The following RAB28 variants were observed in gnomAD, a reference collection of about 807,000 sequenced individuals.
The protein encoded by RAB28 is RAB28, member RAS oncogene family.
A neutral mutation model predicts 31.7 loss-of-function variants in RAB28; 24 were observed. The ratio of observed to expected loss-of-function variants is 0.76; its 90% CI spans 0.55 to 1.06. RAB28 has a LOEUF of 1.06. Ranked by LOEUF, RAB28 falls within the 50% of genes least tolerant of loss-of-function variation. The pLI, the probability that RAB28 is intolerant of heterozygous loss-of-function variation, is 0.00. For missense variants in RAB28, 254 were observed against 258.5 expected, an observed-to-expected ratio of 0.98 and a Z score of 0.12; for synonymous variants, 100 against 90.4, an observed-to-expected ratio of 1.11 and a Z score of -0.60.
At chr4:13,395,626 A>T (rs1194975896) in intron 4 of RAB28, among the ~76,000 whole-genome samples, 2 of 151,434 alleles carry the variant, frequency 1.3e-5, no homozygotes, top group Non-Finnish European at 2.9e-5. Flanking sequence ...ACTACTGATA[A>T]CAAGGGAGAG....
chr4:13,375,768 A>AACACACAC (rs377543521), intron 6 of RAB28, among the ~76,000 whole-genome samples: 50 of 148,164 alleles, frequency 3.4e-4, no homozygotes, highest in African/African-American at 1.1e-3. Context: ...ATTGTTTTAA[A>AACACACAC]ACACACACAC....
intron 4 of RAB28, among the ~76,000 whole-genome samples, chr4:13,401,277 A>G (rs573438079): frequency 1.3e-5 from 2 of 152,238 alleles, no homozygotes; most frequent in Admixed American, 1.3e-4. Flanking sequence ...CAGATTATCT[A>G]TTTCTAGAGT....
chr4:13,449,511 G>C (rs1048793845), intron 4 of RAB28, among the ~76,000 whole-genome samples: 1 of 151,762 alleles, frequency 6.6e-6, no homozygotes, highest in African/African-American at 2.4e-5. Context: ...ACAACTTATA[G>C]GGTACATTAA....
At chr4:13,477,742 T>A (rs1427387337) in intron 2 of RAB28, among the ~76,000 whole-genome samples, 1 of 151,366 alleles carries the variant, frequency 6.6e-6, no homozygotes, top group African/African-American at 2.4e-5. Context: ...ATACATGCCC[T>A]AATGTCATTT....
chr4:13,422,681 A>G (rs1243976037), intron 4 of RAB28, among the ~76,000 whole-genome samples: 6 of 150,960 alleles, frequency 4.0e-5, no homozygotes. Context: ...GTGCTCACTC[A>G]TCGGTGGGAA....
intron 3 of RAB28, among the ~76,000 whole-genome samples, chr4:13,463,390 C>A (rs1034346106): frequency 6.6e-6 from 1 of 152,068 alleles, no homozygotes. Flanking sequence ...TAAACTATGG[C>A]CCATGGGTCA....
intron 3 of RAB28, among the ~76,000 whole-genome samples, chr4:13,470,338 T>C (rs998331084): frequency 6.6e-6 from 1 of 152,044 alleles, no homozygotes; most frequent in Non-Finnish European, 1.5e-5. Flanking sequence ...CAGTTATAAG[T>C]TGGCAAATAT....
intron 4 of RAB28, among the ~76,000 whole-genome samples, chr4:13,448,480 T>C (rs772341169): frequency 1.1e-4 from 17 of 152,172 alleles, no homozygotes; most frequent in Non-Finnish European, 2.1e-4. Context: ...AACCATAATA[T>C]TGCTTAGACA....
At chr4:13,482,765 CA>C (rs1716670332) in intron 1 of RAB28, among the ~76,000 whole-genome samples, 1 of 152,022 alleles carries the variant, frequency 6.6e-6, no homozygotes, top group East Asian at 1.9e-4. Context: ...ACAAAGGATC[CA>C]AGAAGACAAG....
chr4:13,385,662 A>G (rs1411379636), intron 4 of RAB28, among the ~76,000 whole-genome samples: 1 of 152,214 alleles, frequency 6.6e-6, no homozygotes, highest in Non-Finnish European at 1.5e-5. Flanking sequence ...CCTGGCTTAC[A>G]AGAGCTCCTA....
intron 4 of RAB28, among the ~76,000 whole-genome samples, chr4:13,405,342 A>G (rs1223624274): frequency 2.0e-5 from 3 of 152,218 alleles, no homozygotes; most frequent in Non-Finnish European, 4.4e-5. Flanking sequence ...AGCTGAAACA[A>G]TAAACATACG....
chr4:13,380,278 A>G (rs1245330500), intron 5 of RAB28, among the ~76,000 whole-genome samples: 1 of 152,162 alleles, frequency 6.6e-6, no homozygotes, highest in African/African-American at 2.4e-5. Context: ...GTAAAACTAT[A>G]AAGGATATTA....
intron 4 of RAB28, among the ~76,000 whole-genome samples, chr4:13,459,419 G>T (rs1367299237): frequency 6.6e-6 from 1 of 151,970 alleles, no homozygotes; most frequent in Admixed American, 6.6e-5. Flanking sequence ...ACTCTATAAC[G>T]TTCACACAAT....
intron 2 of RAB28, among the ~76,000 whole-genome samples, chr4:13,477,376 A>C (rs1716406265): frequency 6.6e-6 from 1 of 151,592 alleles, no homozygotes; most frequent in South Asian, 2.1e-4. Context: ...GACTAGTAAC[A>C]AATATTAGAT....
At chr4:13,466,834 G>A (rs1273874198) in intron 3 of RAB28, among the ~76,000 whole-genome samples, 4 of 151,828 alleles carry the variant, frequency 2.6e-5, no homozygotes, top group East Asian at 3.9e-4. Flanking sequence ...TATGCATAAC[G>A]GAATACCATA....
intron 4 of RAB28, among the ~76,000 whole-genome samples, chr4:13,428,376 C>T (rs1026602045): frequency 6.6e-6 from 1 of 152,084 alleles, no homozygotes; most frequent in African/African-American, 2.4e-5. Context: ...GAAGAAAATC[C>T]AGTCCTGAAG....
rs573796177 is a variant in RAB28 at position 13,378,286 on chromosome 4, G to A, written c.496-1664C>T. Among the ~76,000 whole-genome samples, 8 of 152,270 alleles carry A rather than the reference G, an allele frequency of 5.3e-5. No homozygotes were observed. In the South Asian group the frequency reaches 1.2e-3, roughly 24 times the overall value. ...AGTGCAGAGAGTATTTCAAAGAGAC[G>A]AGAGTGATCAGCAATTATTTATGTT... On this transcript the variant is annotated intron_variant, in intron 5 of 6. Transcript: ENST00000330852.
chr4:13,371,723 T>C, intron 6 of RAB28: 1 of 1,536,216 alleles, frequency 6.5e-7, no homozygotes. Flanking sequence ...GTAGGTGGTT[T>C]CACTGTAGTC....
chr4:13,472,743 G>A (rs1425662103), intron 3 of RAB28, among the ~76,000 whole-genome samples: 1 of 151,912 alleles, frequency 6.6e-6, no homozygotes, highest in Non-Finnish European at 1.5e-5. Context: ...CCACATGAAT[G>A]AAACAAGAAC....
Sources: allele counts gnomAD v4.1 joint callset (sites outside exome capture counted in the v4.1 genomes callset), GRCh38; gene constraint gnomAD v4.1.1; transcripts MANE v1.5; gene names NCBI Gene and HGNC (gene_info 2026-07-23, HGNC 2026-07-21).